The following PACSIN2 variants were observed in gnomAD, a reference collection of about 807,000 sequenced individuals.
The protein encoded by PACSIN2 is protein kinase C and casein kinase substrate in neurons protein 2.
PACSIN2 carries 25 observed loss-of-function variants against 63.8 expected under a neutral mutation model. The observed-to-expected ratio is 0.39, with a 90% CI of 0.29 to 0.55. The LOEUF (loss-of-function observed/expected upper bound fraction) is 0.55. Among genes scored for constraint, PACSIN2 ranks in the 20% least tolerant of loss-of-function variants. The probability of loss-of-function intolerance (pLI) is 0.62; values close to 1 mark genes in which losing one functional copy is unlikely to be tolerated. For synonymous variants in PACSIN2, 255 were observed against 256.2 expected (o/e 1.00, Z 0.05); for missense variants, 518 against 646.9 (o/e 0.80, Z 2.16).
intron 1 of PACSIN2, among the ~76,000 whole-genome samples, chr22:42,950,379 G>C (rs377451387): frequency 1.2e-4 from 18 of 151,280 alleles, no homozygotes; most frequent in East Asian, 7.8e-4. Context: ...GGAAAGATAA[G>C]ACAAAGTCAT....
chr22:42,974,786 AGG>A (rs202004264), intron 1 of PACSIN2, among the ~76,000 whole-genome samples: 4,220 of 148,724 alleles, frequency 0.028, 214 homozygotes, highest in African/African-American at 0.1. Context: ...GAGAAGAAGG[AGG>A]AGGAGGAGGA....
At chr22:42,905,765 C>A (rs1373528047) in intron 2 of PACSIN2, among the ~76,000 whole-genome samples, 1 of 152,216 alleles carries the variant, frequency 6.6e-6, no homozygotes, top group African/African-American at 2.4e-5. Context: ...CCGGCTGGCT[C>A]CCTGCAGTGC....
intron 1 of PACSIN2, among the ~76,000 whole-genome samples, chr22:42,935,466 C>T (rs1214422681): frequency 1.3e-5 from 2 of 152,120 alleles, no homozygotes; most frequent in South Asian, 2.1e-4. Flanking sequence ...AGGGTCAGAG[C>T]ACCAAAAAAC....
intron 1 of PACSIN2, among the ~76,000 whole-genome samples, chr22:43,003,105 T>C (rs1241883582): frequency 6.6e-6 from 1 of 152,232 alleles, no homozygotes; most frequent in East Asian, 1.9e-4. Context: ...CGTACCTCTC[T>C]TGCCTCTTCT....
chr22:42,871,038 T>C lies in PACSIN2; in HGVS notation c.*319A>G, dbSNP rs1446860654. 2.7e-6 allele frequency: 1 copy of C among 365,062 alleles called. No homozygotes were observed. The highest frequency in any genetic ancestry group is 5.2e-6 in the Non-Finnish European group (1 of 193,706). 22.6% of individuals were successfully genotyped at this position (365,062 alleles called of 1,614,324 possible). A position where few individuals can be genotyped will look rare whatever the true frequency, so the allele number is the denominator to read the frequency against. ...AGAGTAATCAGTGGAACAAGATCAGTGTAACCCACCATTGACTCGGAAAGG... is the reference window on the plus strand; with the variant it reads ...AGAGTAATCAGTGGAACAAGATCAGCGTAACCCACCATTGACTCGGAAAGG... On this transcript the variant is annotated 3_prime_UTR_variant, in exon 11 of 11. Coordinates refer to ENST00000263246, the MANE Select transcript of PACSIN2 (RefSeq NM_001184970.3). The surrounding 1 kb of genome is among the most constrained non-coding windows in gnomAD (Gnocchi z 5.4).
intron 2 of PACSIN2, among the ~76,000 whole-genome samples, chr22:42,904,251 C>T (rs946327323): frequency 6.6e-6 from 1 of 152,338 alleles, no homozygotes; most frequent in African/African-American, 2.4e-5. Context: ...GAAGGCCCCG[C>T]GACACCCTAC....
intron 1 of PACSIN2, among the ~76,000 whole-genome samples, chr22:42,989,867 A>AAAT (rs1555946191): frequency 4.8e-5 from 6 of 125,190 alleles, no homozygotes; most frequent in African/African-American, 2.0e-4. Context: ...GGGAAAAAAA[A>AAAT]ATATATATAT....
intron 1 of PACSIN2, among the ~76,000 whole-genome samples, chr22:42,985,772 C>G (rs1047396744): frequency 1.3e-5 from 2 of 152,168 alleles, no homozygotes; most frequent in Non-Finnish European, 2.9e-5. Flanking sequence ...TCCTGGAAAT[C>G]TGATAAGTCT....
intron 3 of PACSIN2, 22 bp from the exon 4 acceptor site, chr22:42,891,204 C>T (rs373791665): frequency 5.1e-6 from 8 of 1,562,000 alleles, no homozygotes; most frequent in Non-Finnish European, 5.3e-6. Context: ...AGAGAAGCTG[C>T]GGGTCACTCA....
At chr22:42,872,123 C>T (rs1288123617) in intron 10 of PACSIN2, among the ~76,000 whole-genome samples, 2 of 152,220 alleles carry the variant, frequency 1.3e-5, no homozygotes, top group Non-Finnish European at 2.9e-5. Context: ...GTTGTTCCAA[C>T]CTGAAGGACC....
intron 1 of PACSIN2, among the ~76,000 whole-genome samples, chr22:42,923,371 C>A (rs1407689440): frequency 6.6e-6 from 1 of 152,192 alleles, no homozygotes; most frequent in Admixed American, 6.5e-5. Context: ...GGCCCGCAGG[C>A]CCGCATCTGC....
At chr22:42,960,246 C>G (rs1429725623) in intron 1 of PACSIN2, among the ~76,000 whole-genome samples, 3 of 152,240 alleles carry the variant, frequency 2.0e-5, no homozygotes, top group African/African-American at 7.2e-5. Context: ...CTCTCTGCAT[C>G]TGAGGGGCGT....
At chr22:42,925,965 C>G (rs1305755677) in intron 1 of PACSIN2, among the ~76,000 whole-genome samples, 1 of 152,200 alleles carries the variant, frequency 6.6e-6, no homozygotes, top group African/African-American at 2.4e-5. Context: ...TCTTGCTTGT[C>G]TCTACCACCC....
chr22:42,984,524 A>G (rs1922472602), intron 1 of PACSIN2, among the ~76,000 whole-genome samples: 1 of 152,116 alleles, frequency 6.6e-6, no homozygotes, highest in Admixed American at 6.6e-5. Context: ...GAAAACCCAC[A>G]TGGCCAGGAG....
At position 43,010,398 on chromosome 22, in the gene PACSIN2, A is replaced by ATATATATATATATATTTTTT; in HGVS notation, c.-78+4622_-78+4623insAAAAAATATATATATATATA. 3.4e-3 allele frequency among the ~76,000 whole-genome samples: 426 copies of ATATATATATATATATTTTTT among 126,370 alleles called. 5 individuals are homozygous for ATATATATATATATATTTTTT. Among genetic ancestry groups the ATATATATATATATATTTTTT allele is most frequent in the South Asian group, 7.9e-3 (29 of 3,686 alleles). 82.9% of individuals were successfully genotyped at this position (126,370 alleles called of 152,430 possible). ...TGTTTAAAAATACATATATATATAT[A>ATATATATATATATATTTTTT]TTTTTTTTTAATTGAAAATAAAAAA... On this transcript the variant is annotated intron_variant, in intron 1 of 10. Coordinates refer to ENST00000263246, the MANE Select transcript of PACSIN2 (RefSeq NM_001184970.3).
At chr22:42,980,126 A>G (rs956952398) in intron 1 of PACSIN2, among the ~76,000 whole-genome samples, 3 of 152,256 alleles carry the variant, frequency 2.0e-5, no homozygotes, top group African/African-American at 7.2e-5. Context: ...GGTATGGCAA[A>G]ACAAGTATAG....
intron 1 of PACSIN2, among the ~76,000 whole-genome samples, chr22:42,938,027 A>C (rs933599338): frequency 1.3e-5 from 2 of 152,262 alleles, no homozygotes; most frequent in African/African-American, 2.4e-5. Flanking sequence ...TGTACAGAGT[A>C]AAACAAAATC....
rs145493254 is a variant in PACSIN2, at chr22:42,920,275, G to A, written c.-77-8118C>T. Among the ~76,000 whole-genome samples the A allele has an allele frequency of 2.6e-3, 399 of 152,212 alleles. 2 individuals are homozygous for A. Among genetic ancestry groups the A allele is most frequent in the Non-Finnish European group, 4.8e-3 (323 of 67,998 alleles). ...ACTCCAGACCTGAACTCACTCTCAC[G>A]GGCTACCCTGGGTGCCATGCAAGAT... On this transcript the variant is annotated intron_variant, in intron 1 of 10. Transcript: ENST00000263246.
intron 1 of PACSIN2, among the ~76,000 whole-genome samples, chr22:42,930,235 T>C (rs1483251931): frequency 6.6e-6 from 1 of 152,208 alleles, no homozygotes; most frequent in East Asian, 1.9e-4. Context: ...TAAACTTCTC[T>C]TTAAGCCACT....
Sources: allele counts gnomAD v4.1 joint callset (sites outside exome capture counted in the v4.1 genomes callset), GRCh38; gene constraint gnomAD v4.1.1; non-coding constraint Gnocchi (gnomAD v3.1); transcripts MANE v1.5; gene names NCBI Gene and HGNC (gene_info 2026-07-23, HGNC 2026-07-21).